CDH23: variants seen among roughly 807,000 people sequenced by gnomAD.
CDH23 encodes cadherin-23.
Under a neutral mutation model 317.1 loss-of-function variants are expected in CDH23, and 189 were observed. The observed-to-expected ratio is 0.60, with a 90% CI of 0.53 to 0.67. The LOEUF (loss-of-function observed/expected upper bound fraction) is 0.67, where lower values mean the gene tolerates loss of function less well. Among genes scored for constraint, CDH23 ranks in the 30% least tolerant of loss-of-function variants. The probability of loss-of-function intolerance (pLI) is 0.00; values close to 1 mark genes in which losing one functional copy is unlikely to be tolerated. For missense variants in CDH23, 4,401 were observed against 4,592.4 expected, an observed-to-expected ratio of 0.96 and a Z score of 1.20; for synonymous variants, 1,839 against 1,876.8, an observed-to-expected ratio of 0.98 and a Z score of 0.52.
rs555432123 is a variant in CDH23 at position 71,790,309 on chromosome 10, A to G, written c.5945A>G (p.Asn1982Ser). ...SPAGTPLTVLNGPILALDADQ... is the reference protein window; with the variant it reads ...SPAGTPLTVLSGPILALDADQ... ...CCAGGCACCCCTCTCACGGTGCTCA[A>G]TGGGCCCATCCTGGCCCTGGATGCA... The change falls in exon 46 of 70, where the codon AAT (asparagine) becomes AGT (serine). Residue 1982 changes from asparagine (N) to serine (S), a missense_variant. Asn to Ser is a conservative substitution (Grantham distance 46). Around this residue, in one of 3 missense-constraint regions of CDH23, gnomAD observed 3,068 missense variants for 3,203.3 expected, o/e 0.96. Transcript: ENST00000224721. 2.9e-5 allele frequency: 47 copies of G among 1,613,852 alleles called. No homozygotes were observed. Among genetic ancestry groups the G allele is most frequent in the Admixed American group, 2.0e-4 (12 of 60,014 alleles).
intron 2 of CDH23, among the ~76,000 whole-genome samples, chr10:71,441,138 T>C (rs1312452025): frequency 3.3e-5 from 5 of 152,180 alleles, no homozygotes; most frequent in African/African-American, 1.2e-4. Context: ...CAGCTCATTT[T>C]ACAGAGGAGA....
chr10:71,685,284 T>G (rs1864827455), intron 18 of CDH23, among the ~76,000 whole-genome samples: 2 of 152,206 alleles, frequency 1.3e-5, no homozygotes, highest in South Asian at 4.1e-4. Context: ...GACAACACTT[T>G]GAGGAGCAAG....
chr10:71,471,877 G>A (rs1851533314), intron 3 of CDH23, among the ~76,000 whole-genome samples: 1 of 152,156 alleles, frequency 6.6e-6, no homozygotes, highest in Non-Finnish European at 1.5e-5. Flanking sequence ...ATACAGCTTA[G>A]CATGTACACA....
At chr10:71,449,522 A>T (rs1850330692) in intron 3 of CDH23, among the ~76,000 whole-genome samples, 1 of 152,192 alleles carries the variant, frequency 6.6e-6, no homozygotes, top group African/African-American at 2.4e-5. Context: ...ATGATAATAT[A>T]ACACATATGA....
intron 14 of CDH23, among the ~76,000 whole-genome samples, chr10:71,658,610 G>C (rs1345588297): frequency 2.0e-5 from 3 of 152,204 alleles, no homozygotes; most frequent in Non-Finnish European, 2.9e-5. Flanking sequence ...TCCCAGGCCT[G>C]GTGAAGCAGT....
intron 1 of CDH23, among the ~76,000 whole-genome samples, chr10:71,408,960 T>A (rs1480022008): frequency 2.0e-5 from 3 of 152,220 alleles, no homozygotes; most frequent in Non-Finnish European, 2.9e-5. Context: ...TGCACGTGTG[T>A]GTGTGTGCAT....
At chr10:71,810,660 C>T (rs1841888397) in intron 62 of CDH23, 91 bp downstream of exon 62, 1 of 1,140,444 alleles carries the variant, frequency 8.8e-7, no homozygotes, top group Admixed American at 1.9e-5. Context: ...AAAGGAGACA[C>T]AGACCACACC....
rs898575118 is a variant in CDH23, at chr10:71,577,119, A to G, written c.754-795A>G. Among the ~76,000 whole-genome samples the G allele has an allele frequency of 2.6e-5, 4 of 152,208 alleles. No individual in the cohort carries two copies. The South Asian group carries it at 6.2e-4, about 24-fold the overall frequency. ...TCTCCCCTTTTTTGTACGTTTCTCCATGTGAGCCATATGTGTATTCGCACT... is the reference window on the plus strand; with the variant it reads ...TCTCCCCTTTTTTGTACGTTTCTCCGTGTGAGCCATATGTGTATTCGCACT... On this transcript the variant is annotated intron_variant, in intron 8 of 69. Coordinates refer to ENST00000224721, the MANE Select transcript of CDH23 (RefSeq NM_022124.6).
At chr10:71,620,502 G>A (rs1017010026) in intron 11 of CDH23, among the ~76,000 whole-genome samples, 2 of 152,194 alleles carry the variant, frequency 1.3e-5, no homozygotes, top group Non-Finnish European at 2.9e-5. Flanking sequence ...TTTGCTAGAA[G>A]CACTTTCTGA....
intron 41 of CDH23, among the ~76,000 whole-genome samples, chr10:71,782,020 T>C (rs891264342): frequency 6.6e-6 from 1 of 152,210 alleles, no homozygotes; most frequent in African/African-American, 2.4e-5. Context: ...CACCACTGCA[T>C]GGAGGGACGT....
chr10:71,578,598 C>A (rs1470569303), intron 9 of CDH23, among the ~76,000 whole-genome samples: 1 of 152,134 alleles, frequency 6.6e-6, no homozygotes, highest in Non-Finnish European at 1.5e-5. Context: ...GACCCACGCC[C>A]CACCCAAAGA....
chr10:71,808,002 C>T lies in CDH23; in HGVS notation c.8717C>T (p.Thr2906Ile), dbSNP rs780345006. Residue 2906 changes from threonine (T) to isoleucine (I), a missense_variant, in exon 60 of 70, where the codon ACC becomes ATC. Thr to Ile is a moderately conservative substitution (Grantham distance 89). Around this residue, in one of 3 missense-constraint regions of CDH23, gnomAD observed 1,144 missense variants for 1,138.2 expected, o/e 1.01. Transcript: ENST00000224721. ...TCTGAAGATGTGGGCCAGGTCTTCA[C>T]CATGGGTAGGGCCTGGCAGCACATG... ...NDSEDVGQVF[T>I]MGSMDGILRT... 5 of 1,584,548 alleles carry T rather than the reference C, an allele frequency of 3.2e-6. No individual in the cohort carries two copies. The Admixed American group carries it at 5.4e-5, about 17-fold the overall frequency.
chr10:71,578,768 T>C (rs1303988771), intron 9 of CDH23, among the ~76,000 whole-genome samples: 1 of 152,060 alleles, frequency 6.6e-6, no homozygotes, highest in Non-Finnish European at 1.5e-5. Flanking sequence ...CACGAGTCAG[T>C]GAAGGGTCAG....
intron 9 of CDH23, among the ~76,000 whole-genome samples, chr10:71,592,373 C>T (rs1005045973): frequency 6.6e-6 from 1 of 152,124 alleles, no homozygotes; most frequent in African/African-American, 2.4e-5. Context: ...TTAAAAACCA[C>T]AGAAGTTTAT....
At chr10:71,425,233 GA>G (rs1253916161) in intron 1 of CDH23, among the ~76,000 whole-genome samples, 273 of 10,400 alleles carry the variant, frequency 0.026, 2 homozygotes, top group African/African-American at 0.12. Context: ...GAGAGAGAGG[GA>G]GAGAGAGAGA....
Position 71,805,825 on chromosome 10 carries a change from A to T in CDH23, c.7892A>T (p.Asn2631Ile). Reference sequence around the variant, plus strand: ...CCACAGGAGATCCCGCTGCGCTCCAACGTGTACGAGGTCTACGCCACGGAC... The same window carrying T: ...CCACAGGAGATCCCGCTGCGCTCCATCGTGTACGAGGTCTACGCCACGGAC... ...HIREEIPLRS[N>I]VYEVYATDKD... Residue 2631 changes from asparagine (N) to isoleucine (I), a missense_variant, in exon 56 of 70, where the codon AAC becomes ATC. Coordinates refer to ENST00000224721, the MANE Select transcript of CDH23 (RefSeq NM_022124.6). The T allele has an allele frequency of 6.2e-7, 1 of 1,613,510 alleles. No homozygotes were observed.
intron 1 of CDH23, among the ~76,000 whole-genome samples, chr10:71,399,227 T>C (rs953081298): frequency 2.6e-5 from 4 of 152,218 alleles, no homozygotes; most frequent in Non-Finnish European, 5.9e-5. Context: ...CCTGTGGACA[T>C]GCAGCGTCGG....
rs767095781 is a variant in CDH23, at chr10:71,709,136, G to A, written c.3145G>A (p.Asp1049Asn). Residue 1049 changes from aspartate to asparagine, a missense_variant, in exon 27 of 70, where the codon GAT becomes AAT. Physicochemically the swap from Asp to Asn is conservative, Grantham distance 23 (BLOSUM62 1). Coordinates refer to ENST00000224721, the MANE Select transcript of CDH23 (RefSeq NM_022124.6). ...TGGGAAGTTCAGCGTGGGTTACCGC[G>A]ATGCCGTTGTGAGAACCGTGGTGGG... ...VDGKFSVGYR[D>N]AVVRTVVGLD... 7 of 1,613,840 alleles carry A rather than the reference G, an allele frequency of 4.3e-6. No homozygotes were observed. The highest frequency in any genetic ancestry group is 2.2e-5 in the East Asian group (1 of 44,896).
chr10:71,468,043 C>T (rs561071484), intron 3 of CDH23, among the ~76,000 whole-genome samples: 14 of 152,228 alleles, frequency 9.2e-5, no homozygotes, highest in Admixed American at 2.0e-4. Context: ...GAATTGCGGG[C>T]GAAACAAACC....
Sources: allele counts gnomAD v4.1 joint callset (sites outside exome capture counted in the v4.1 genomes callset), GRCh38; gene constraint gnomAD v4.1.1; regional missense constraint gnomAD v4.1.1; transcripts MANE v1.5; gene names NCBI Gene and HGNC (gene_info 2026-07-23, HGNC 2026-07-21).